The following NNT variants were observed in gnomAD, a reference collection of about 807,000 sequenced individuals.
The protein encoded by NNT is NAD(P) transhydrogenase, mitochondrial.
NNT carries 50 observed loss-of-function variants against 104.8 expected under a neutral mutation model. The observed-to-expected ratio is 0.48, with a 90% CI of 0.38 to 0.60. The LOEUF is 0.60. NNT is among the 20% of genes least tolerant of loss of function. The pLI is 0.00. For synonymous variants in NNT, 461 were observed against 490.4 expected, an observed-to-expected ratio of 0.94 and a Z score of 0.79; for missense variants, 1,131 against 1,330.7, an observed-to-expected ratio of 0.85 and a Z score of 2.33.
At chr5:43,658,682 G>A (rs1215781734) in intron 16 of NNT, among the ~76,000 whole-genome samples, 2 of 152,144 alleles carry the variant, frequency 1.3e-5, no homozygotes, top group Non-Finnish European at 2.9e-5. Context: ...CAGAAACTGG[G>A]ACTCCTTCCC....
chr5:43,628,916 A>G (rs564082345), intron 7 of NNT, among the ~76,000 whole-genome samples: 1 of 151,374 alleles, frequency 6.6e-6, no homozygotes, highest in African/African-American at 2.4e-5. Context: ...AAATTCATAG[A>G]TTATACTGTG....
intron 7 of NNT, among the ~76,000 whole-genome samples, chr5:43,632,651 C>A (rs13161298): frequency 0.034 from 5,135 of 152,234 alleles, 134 homozygotes; most frequent in East Asian, 0.12. Flanking sequence ...AAGCTGACAG[C>A]CCCGCTTTGT....
At position 43,705,081 on chromosome 5, in the gene NNT, A is replaced by T. The variant is rs1743046610; in HGVS notation, c.*677A>T. The stretch of plus-strand genomic sequence containing the variant: ...TTTCATTAGAATACCAATGAAACAT[A>T]CAACTTGAAAATTAGTAATAGTATT... On this transcript the variant is annotated 3_prime_UTR_variant, in exon 22 of 22. Coordinates refer to ENST00000344920, the MANE Select transcript of NNT (RefSeq NM_182977.3). 6.6e-6 allele frequency: 1 copy of T among 152,186 alleles called. No homozygotes were observed. 9.4% of individuals were successfully genotyped at this position (152,186 alleles called of 1,614,324 possible).
chr5:43,645,649 ATCTATC>A (rs1481901849), intron 10 of NNT, 139 bp downstream of exon 10: 170 of 141,032 alleles, frequency 1.2e-3, no homozygotes, highest in Non-Finnish European at 1.4e-3. Flanking sequence ...ACATCTATCT[ATCTATC>A]TCTCTCTCTC....
chr5:43,611,754 T>C (rs1034176937), intron 2 of NNT, among the ~76,000 whole-genome samples: 19 of 152,160 alleles, frequency 1.2e-4, no homozygotes, highest in African/African-American at 4.1e-4. Context: ...AGATCTTAGG[T>C]TGCAAGAATG....
rs970172922 is a variant in NNT, at chr5:43,650,554, C to G, written c.1684C>G (p.Leu562Val). The G allele has an allele frequency of 1.3e-5, 21 of 1,613,846 alleles. No homozygotes were observed. The highest frequency in any genetic ancestry group is 1.8e-5 in the Non-Finnish European group (21 of 1,179,898). The change falls in exon 12 of 22, where the codon CTT (leucine) becomes GTT (valine). Residue 562 changes from leucine to valine, a missense_variant. Leu to Val is a conservative substitution (Grantham distance 32). Coordinates refer to ENST00000344920, the MANE Select transcript of NNT (RefSeq NM_182977.3). ...PSTTSQGLAA[L>V]AAFISSVNIA... ...CACAACTTCTCAGGGCCTTGCTGCT[C>G]TTGCTGCATTCATATCCTCTGTCAA...
At chr5:43,642,322 G>A (rs368854433) in intron 7 of NNT, among the ~76,000 whole-genome samples, 2 of 152,152 alleles carry the variant, frequency 1.3e-5, no homozygotes, top group Non-Finnish European at 2.9e-5. Flanking sequence ...CTGGAGAGCC[G>A]AGCAGCATGA....
intron 19 of NNT, among the ~76,000 whole-genome samples, chr5:43,683,954 T>C (rs1741852425): frequency 6.6e-6 from 1 of 152,150 alleles, no homozygotes; most frequent in Admixed American, 6.5e-5. Context: ...CTATAATTAC[T>C]CTCCTCAGGA....
chr5:43,655,726 G>T, intron 14 of NNT, 114 bp from the exon 15 acceptor site: 1 of 743,866 alleles, frequency 1.3e-6, no homozygotes, highest in Non-Finnish European at 2.2e-6. Context: ...CCCGTACTAG[G>T]AACTAGATAA....
At chr5:43,684,005 C>A (rs572124636) in intron 19 of NNT, among the ~76,000 whole-genome samples, 1 of 152,066 alleles carries the variant, frequency 6.6e-6, no homozygotes, top group South Asian at 2.1e-4. Context: ...TAGAGGACTG[C>A]GTTGATGTTT....
In NNT at chr5:43,628,272, G is replaced by A; in HGVS notation, c.849G>A (p.Glu283=). The A allele has an allele frequency of 6.2e-7, 1 of 1,614,000 alleles. No individual in the cohort carries two copies. The highest frequency in any genetic ancestry group is 2.2e-5 in the East Asian group (1 of 44,868). Residue 283 remains glutamate (E), a synonymous_variant, in exon 7 of 22, where the codon GAG becomes GAA. Transcript: ENST00000344920. Reference sequence around the variant, plus strand: ...AGGTGGACTTGAAGGAATCTGGTGAGGGACAAGGAGGATATGCAAAAGAGA... The same window carrying A: ...AGGTGGACTTGAAGGAATCTGGTGAAGGACAAGGAGGATATGCAAAAGAGA... ...PLEVDLKESG[E]GQGGYAKEMS... is the part of the protein sequence containing the mutation.
At chr5:43,670,589 G>T (rs1229885835) in intron 17 of NNT, among the ~76,000 whole-genome samples, 1 of 152,232 alleles carries the variant, frequency 6.6e-6, no homozygotes, top group Non-Finnish European at 1.5e-5. Flanking sequence ...TAGTTGAGTG[G>T]TTTTCAGTGA....
At chr5:43,646,339 G>A (rs1435025697) in intron 10 of NNT, among the ~76,000 whole-genome samples, 1 of 152,132 alleles carries the variant, frequency 6.6e-6, no homozygotes, top group Non-Finnish European at 1.5e-5. Flanking sequence ...AGGTAGGAGT[G>A]CAGTGGTGTG....
At chr5:43,643,502 C>T (rs545710861) in intron 7 of NNT, among the ~76,000 whole-genome samples, 2 of 152,182 alleles carry the variant, frequency 1.3e-5, no homozygotes, top group Admixed American at 1.3e-4. Flanking sequence ...GTTTATTTAC[C>T]ACTGTATTCC....
intron 9 of NNT, among the ~76,000 whole-genome samples, chr5:43,645,078 C>A (rs1188922295): frequency 6.6e-6 from 1 of 152,096 alleles, no homozygotes. Flanking sequence ...AACATTCCCC[C>A]CACTTATCTG....
intron 7 of NNT, among the ~76,000 whole-genome samples, chr5:43,633,247 G>T (rs1357379408): frequency 6.6e-6 from 1 of 152,138 alleles, no homozygotes; most frequent in Non-Finnish European, 1.5e-5. Context: ...ATTACCTGTG[G>T]TATAAAGTTT....
rs533055948 is a variant in NNT at position 43,621,068 on chromosome 5, G to C, written c.687+1949G>C. Among the ~76,000 whole-genome samples, 65 of 152,336 alleles carry C rather than the reference G, an allele frequency of 4.3e-4. 1 individual carries two copies. The highest frequency in any genetic ancestry group is 1.5e-3 in the African/African-American group (63 of 41,584). On this transcript the variant is annotated intron_variant, in intron 5 of 21. Transcript: ENST00000344920. ...TTCTGAAATTGAAGGCACTGGTATA[G>C]CTCATTAAGGTGGATTGCATAATAC...
intron 19 of NNT, among the ~76,000 whole-genome samples, chr5:43,698,589 T>G (rs563613399): frequency 6.6e-6 from 1 of 152,214 alleles, no homozygotes; most frequent in East Asian, 1.9e-4. Context: ...ATATTAGAAG[T>G]ATTTTGGTCT....
intron 7 of NNT, among the ~76,000 whole-genome samples, chr5:43,638,083 A>G (rs1751034337): frequency 6.6e-6 from 1 of 152,030 alleles, no homozygotes; most frequent in Admixed American, 6.6e-5. Flanking sequence ...TTCTCATGAG[A>G]TCTGATGGTT....
Sources: gnomAD v4.1 joint callset for allele counts (sites outside exome capture counted in the v4.1 genomes callset) on GRCh38, gnomAD v4.1.1 for gene constraint, MANE v1.5 for transcripts, NCBI Gene and HGNC (gene_info 2026-07-23, HGNC 2026-07-21) for gene names.